Variants in FOXL2NB observed in about 807,000 individuals in gnomAD.
FOXL2NB encodes FOXL2 neighbor, also known as FOXL2 neighbor protein.
A neutral mutation model predicts 7.4 loss-of-function variants in FOXL2NB; 10 were observed. The observed-to-expected ratio is 1.34, with a 90% CI of 0.83 to 2.28. The LOEUF is 2.28. Ranked by LOEUF, FOXL2NB falls within the 30% of genes most tolerant of loss-of-function variation. The pLI, the probability that FOXL2NB is intolerant of heterozygous loss-of-function variation, is 0.00. For synonymous variants in FOXL2NB, 104 were observed against 105.3 expected, an observed-to-expected ratio of 0.99 and a Z score of 0.08; for missense variants, 228 against 233.9, an observed-to-expected ratio of 0.97 and a Z score of 0.17.
In FOXL2NB at chr3:138,950,340, G is replaced by T. The variant is rs548632968; in HGVS notation, c.296G>T (p.Arg99Leu). The T allele has an allele frequency of 6.2e-7, 1 of 1,610,332 alleles. No homozygotes were observed. Among genetic ancestry groups the T allele is most frequent in the Non-Finnish European group, 8.5e-7 (1 of 1,179,298 alleles). ...GGCGGCCCAGCTCTACTAGGGAAGC[G>T]TCGCGGCTGCTCTGAGGCAGGCAGC... is the stretch of plus-strand genomic sequence containing the variant. ...ASGGPALLGK[R>L]RGCSEAGSAS... is the part of the protein sequence containing the mutation. The change falls in exon 3 of 3, where the codon CGT becomes CTT. Residue 99 changes from arginine to leucine, a missense_variant. By Grantham distance (102) the Arg-to-Leu change is moderately radical. Coordinates refer to ENST00000383165, the MANE Select transcript of FOXL2NB (RefSeq NM_001040061.3).
Position 138,953,644 on chromosome 3 carries a change from T to G in FOXL2NB, c.*3072T>G, listed in dbSNP as rs1292231473. Among the ~76,000 whole-genome samples the G allele has an allele frequency of 6.6e-6, 1 of 152,238 alleles. No homozygotes were observed. Among genetic ancestry groups the G allele is most frequent in the Non-Finnish European group, 1.5e-5 (1 of 68,044 alleles). On this transcript the variant is annotated 3_prime_UTR_variant, in exon 3 of 3. Transcript: ENST00000383165. The stretch of plus-strand genomic sequence containing the variant: ...TGTAATGCAGTATGTAACCACCACC[T>G]GGATCAAGATATGGAGCATTTCTGG...
rs1352037256 is a variant in FOXL2NB, at chr3:138,950,806, CAT to C, written c.*235_*236del. ...TACACGTACTAATTCAGATTTTGCA[CAT>C]GTTGGTGGAAAACATGTCAAGCCAA... On this transcript the variant is annotated 3_prime_UTR_variant, in exon 3 of 3. Transcript: ENST00000383165. 4.1e-5 allele frequency: 23 copies of C among 560,440 alleles called. No individual in the cohort carries two copies. Among genetic ancestry groups the C allele is most frequent in the Admixed American group, 7.3e-5 (2 of 27,498 alleles). 34.7% of individuals were successfully genotyped at this position (560,440 alleles called of 1,614,324 possible). A position where few individuals can be genotyped will look rare whatever the true frequency, so the allele number is the denominator to read the frequency against.
Position 138,948,589 on chromosome 3 carries a change from G to C in FOXL2NB, c.101-931G>C, listed in dbSNP as rs570071993. Among the ~76,000 whole-genome samples, 14 of 152,336 alleles carry C rather than the reference G, an allele frequency of 9.2e-5. No individual in the cohort carries two copies. In the East Asian group the frequency reaches 2.1e-3, roughly 23 times the overall value. ...AGGTGGACTGAATGGATGTCATATA[G>C]CTGTGCATTAGTGATTGGCATGTCT... is the stretch of plus-strand genomic sequence containing the variant. On this transcript the variant is annotated intron_variant, in intron 1 of 2. Coordinates refer to ENST00000383165, the MANE Select transcript of FOXL2NB (RefSeq NM_001040061.3).
chr3:138,949,912 T>C lies in FOXL2NB; in HGVS notation c.220+273T>C, dbSNP rs1445741579. Reference sequence around the variant, plus strand: ...CAGGGCATACTGTGCCTAGGTTTTGTGGACGCCAGGGCCGGTTCCTTTTCT... The same window carrying C: ...CAGGGCATACTGTGCCTAGGTTTTGCGGACGCCAGGGCCGGTTCCTTTTCT... On this transcript the variant is annotated intron_variant, in intron 2 of 2. Transcript: ENST00000383165. This position sits in a 1 kb window ranked among gnomAD's most constrained non-coding sequence, Gnocchi z 4.5. 1.4e-6 allele frequency: 1 copy of C among 691,960 alleles called. No individual in the cohort carries two copies. The highest frequency in any genetic ancestry group is 2.6e-6 in the Non-Finnish European group (1 of 380,324). The allele number at this position is 691,960 out of a possible 1,614,324, so 42.9% of individuals were successfully genotyped here. A position where few individuals can be genotyped will look rare whatever the true frequency, so the allele number is the denominator to read the frequency against.
rs910540148 is a variant in FOXL2NB, at chr3:138,950,471, G to C, written c.427G>C (p.Ala143Pro). 2 of 1,614,030 alleles carry C rather than the reference G, an allele frequency of 1.2e-6. No homozygotes were observed. The highest frequency in any genetic ancestry group is 1.7e-6 in the Non-Finnish European group (2 of 1,180,050). The change falls in exon 3 of 3, where the codon GCT (alanine) becomes CCT (proline). Residue 143 changes from alanine (A) to proline (P), a missense_variant. Physicochemically the swap from Ala to Pro is conservative, Grantham distance 27 (BLOSUM62 -1). Transcript: ENST00000383165. ...AGPRNTRRLP[A>P]PERERIELAA... is the part of the protein sequence containing the mutation. ...ACCCCGAAACACCCGGCGGCTTCCC[G>C]CTCCTGAGCGGGAGAGAATAGAGCT... is the stretch of plus-strand genomic sequence containing the variant.
chr3:138,948,915 C>G (rs1936052213), intron 1 of FOXL2NB, among the ~76,000 whole-genome samples: 1 of 152,196 alleles, frequency 6.6e-6, no homozygotes, highest in Non-Finnish European at 1.5e-5. Context: ...CCCAAAGTAG[C>G]TTGGTTTTTT....
Position 138,947,893 on chromosome 3 carries a change from G to C in FOXL2NB, c.100+429G>C. ...TAACACAGGCGGGGCTGTTGCCCGG[G>C]ACTTTGCGGGACTGTGTATGTGTGT... is the stretch of plus-strand genomic sequence containing the variant. On this transcript the variant is annotated intron_variant, in intron 1 of 2. Transcript: ENST00000383165. This position sits in a 1 kb window ranked among gnomAD's most constrained non-coding sequence, Gnocchi z 5.2. 3.0e-6 allele frequency: 3 copies of C among 998,136 alleles called. No individual in the cohort carries two copies. The highest frequency in any genetic ancestry group is 3.6e-6 in the Non-Finnish European group (3 of 838,432). The allele number at this position is 998,136 out of a possible 1,614,324, so 61.8% of individuals were successfully genotyped here. A position where few individuals can be genotyped will look rare whatever the true frequency, so the allele number is the denominator to read the frequency against.
chr3:138,949,696 G>T lies in FOXL2NB; in HGVS notation c.220+57G>T, dbSNP rs761130747. On this transcript the variant is annotated intron_variant, in intron 2 of 2. Coordinates refer to ENST00000383165, the MANE Select transcript of FOXL2NB (RefSeq NM_001040061.3). This position sits in a 1 kb window ranked among gnomAD's most constrained non-coding sequence, Gnocchi z 4.5. ...ATGATTACTTTCAGGTCCCCTCCAG[G>T]CTTCTGCGGAAAAGCCAGGGGCTTC... is the stretch of plus-strand genomic sequence containing the variant. The T allele has an allele frequency of 1.2e-6, 2 of 1,612,024 alleles. No homozygotes were observed. The highest frequency in any genetic ancestry group is 1.7e-6 in the Non-Finnish European group (2 of 1,179,122).
chr3:138,947,929 C>G lies in FOXL2NB; in HGVS notation c.100+465C>G, dbSNP rs1409231278. On this transcript the variant is annotated intron_variant, in intron 1 of 2. Transcript: ENST00000383165. This position sits in a 1 kb window ranked among gnomAD's most constrained non-coding sequence, Gnocchi z 5.2. ...ACTGTGTATGTGTGTGCACAGGGGT[C>G]ACATATGGAAGTCATGGAGAGGAGC... 2.0e-6 allele frequency: 2 copies of G among 986,888 alleles called. No individual in the cohort carries two copies. The highest frequency in any genetic ancestry group is 2.3e-4 in the East Asian group (2 of 8,840). The allele number at this position is 986,888 out of a possible 1,614,324, so 61.1% of individuals were successfully genotyped here. A position where few individuals can be genotyped will look rare whatever the true frequency, so the allele number is the denominator to read the frequency against.
In FOXL2NB at chr3:138,952,450, G is replaced by GGT. The variant is rs112886930; in HGVS notation, c.*1899_*1900dup. The GGT allele has an allele frequency of 2.5e-3, 375 of 149,052 alleles. 4 individuals carry two copies. Among genetic ancestry groups the GGT allele is most frequent in the South Asian group, 8.2e-3 (39 of 4,730 alleles). The allele number at this position is 149,052 out of a possible 1,614,324, so 9.2% of individuals were successfully genotyped here. A position where few individuals can be genotyped will look rare whatever the true frequency, so the allele number is the denominator to read the frequency against. On this transcript the variant is annotated 3_prime_UTR_variant, in exon 3 of 3. Coordinates refer to ENST00000383165, the MANE Select transcript of FOXL2NB (RefSeq NM_001040061.3). ...GGAGATTTTCCTCATGCCAAGATAG[G>GGT]GTGTGTGTGTGTGTGTGTGTGTATG...
At chr3:138,948,006 AG>A (rs1234277605) in intron 1 of FOXL2NB, 1 of 985,072 alleles carries the variant, frequency 1.0e-6, no homozygotes, top group Non-Finnish European at 1.2e-6. Context: ...TCAGAAACAC[AG>A]GTATGCACAT....
Position 138,947,803 on chromosome 3 carries a change from G to A in FOXL2NB, c.100+339G>A, listed in dbSNP as rs1030797214. On this transcript the variant is annotated intron_variant, in intron 1 of 2. Coordinates refer to ENST00000383165, the MANE Select transcript of FOXL2NB (RefSeq NM_001040061.3). This position sits in a 1 kb window ranked among gnomAD's most constrained non-coding sequence, Gnocchi z 5.2. Reference sequence around the variant, plus strand: ...CAGGAATCCGTGTACTAATCCTACGGGGTTGGAGTGAAGGTTGGATGTGTG... The same window carrying A: ...CAGGAATCCGTGTACTAATCCTACGAGGTTGGAGTGAAGGTTGGATGTGTG... The A allele has an allele frequency of 2.3e-5, 25 of 1,071,902 alleles. No individual in the cohort carries two copies. Among genetic ancestry groups the A allele is most frequent in the Admixed American group, 5.3e-5 (1 of 18,968 alleles). The allele number at this position is 1,071,902 out of a possible 1,614,324, so 66.4% of individuals were successfully genotyped here.
chr3:138,947,812 T>C lies in FOXL2NB; in HGVS notation c.100+348T>C, dbSNP rs1249239002. 58 of 1,058,834 alleles carry C rather than the reference T, an allele frequency of 5.5e-5. No individual in the cohort carries two copies. The highest frequency in any genetic ancestry group is 5.9e-5 in the Non-Finnish European group (52 of 877,224). 65.6% of individuals were successfully genotyped at this position (1,058,834 alleles called of 1,614,324 possible). A position where few individuals can be genotyped will look rare whatever the true frequency, so the allele number is the denominator to read the frequency against. On this transcript the variant is annotated intron_variant, in intron 1 of 2. Transcript: ENST00000383165. The surrounding 1 kb of genome is among the most constrained non-coding windows in gnomAD (Gnocchi z 5.2). Reference sequence around the variant, plus strand: ...GTGTACTAATCCTACGGGGTTGGAGTGAAGGTTGGATGTGTGCTTTAACAG... The same window carrying C: ...GTGTACTAATCCTACGGGGTTGGAGCGAAGGTTGGATGTGTGCTTTAACAG...
In FOXL2NB at chr3:138,949,943, C is replaced by A. The variant is rs1936086709; in HGVS notation, c.220+304C>A. 2.9e-6 allele frequency: 2 copies of A among 692,706 alleles called. No homozygotes were observed. Among genetic ancestry groups the A allele is most frequent in the African/African-American group, 3.5e-5 (2 of 57,224 alleles). 42.9% of individuals were successfully genotyped at this position (692,706 alleles called of 1,614,324 possible). The stretch of plus-strand genomic sequence containing the variant: ...CCAGGGCCGGTTCCTTTTCTCCCCG[C>A]GGCATTGGGGCGACGCAGGGCCCCC... On this transcript the variant is annotated intron_variant, in intron 2 of 2. Coordinates refer to ENST00000383165, the MANE Select transcript of FOXL2NB (RefSeq NM_001040061.3). The surrounding 1 kb of genome is among the most constrained non-coding windows in gnomAD (Gnocchi z 4.5).
At position 138,950,263 on chromosome 3, in the gene FOXL2NB, A is replaced by C; in HGVS notation, c.221-2A>C. The C allele has an allele frequency of 6.2e-7, 1 of 1,603,212 alleles. No individual in the cohort carries two copies. The highest frequency in any genetic ancestry group is 1.8e-5 in the Admixed American group (1 of 56,762). On this transcript the variant is annotated splice_acceptor_variant, in intron 2 of 2. Transcript: ENST00000383165. LOFTEE classifies it high-confidence loss of function. The stretch of plus-strand genomic sequence containing the variant: ...CTCTGATACAGACGCTTTTCTCCCC[A>C]GGGCCGGGAATCCTGCAACAGCGGC...
At position 138,950,467 on chromosome 3, in the gene FOXL2NB, T is replaced by TC; in HGVS notation, c.426dup (p.Ala143ArgfsTer3). On this transcript the variant is annotated frameshift_variant, in exon 3 of 3. Coordinates refer to ENST00000383165, the MANE Select transcript of FOXL2NB (RefSeq NM_001040061.3). LOFTEE classifies it low-confidence loss of function (END_TRUNC). ...CGGGACCCCGAAACACCCGGCGGCT[T>TC]CCCGCTCCTGAGCGGGAGAGAATAG... 1 of 1,614,132 alleles carries TC rather than the reference T, an allele frequency of 6.2e-7. No homozygotes were observed. Among genetic ancestry groups the TC allele is most frequent in the Middle Eastern group, 1.7e-4 (1 of 6,060 alleles).
chr3:138,949,627 G>A lies in FOXL2NB; in HGVS notation c.208G>A (p.Ala70Thr), dbSNP rs1936075325. The A allele has an allele frequency of 1.2e-6, 2 of 1,611,958 alleles. No individual in the cohort carries two copies. The highest frequency in any genetic ancestry group is 1.7e-4 in the Middle Eastern group (1 of 6,058). The change falls in exon 2 of 3, where the codon GCT becomes ACT. Residue 70 changes from alanine (A) to threonine (T), a missense_variant. Transcript: ENST00000383165. The surrounding 1 kb of genome is among the most constrained non-coding windows in gnomAD (Gnocchi z 4.5). ...CLHMAVRHSK[A>T]QKTGPGILQQ... ...TCACATGGCTGTCCGGCATTCGAAGGCTCAGAAAACAGGCAAGAAAATGCG... is the reference window on the plus strand; with the variant it reads ...TCACATGGCTGTCCGGCATTCGAAGACTCAGAAAACAGGCAAGAAAATGCG...
chr3:138,949,849 G>A lies in FOXL2NB; in HGVS notation c.220+210G>A, dbSNP rs1936083005. On this transcript the variant is annotated intron_variant, in intron 2 of 2. Coordinates refer to ENST00000383165, the MANE Select transcript of FOXL2NB (RefSeq NM_001040061.3). The surrounding 1 kb of genome is among the most constrained non-coding windows in gnomAD (Gnocchi z 4.5). Reference sequence around the variant, plus strand: ...CTGATTTACTTCTCAACCTTCGGAGGTAGGCTGGTTGCTGGCGAGGTCGGG... The same window carrying A: ...CTGATTTACTTCTCAACCTTCGGAGATAGGCTGGTTGCTGGCGAGGTCGGG... 6.7e-6 allele frequency: 5 copies of A among 741,128 alleles called. No homozygotes were observed. Among genetic ancestry groups the A allele is most frequent in the Non-Finnish European group, 1.2e-5 (5 of 422,512 alleles). 45.9% of individuals were successfully genotyped at this position (741,128 alleles called of 1,614,324 possible). A position where few individuals can be genotyped will look rare whatever the true frequency, so the allele number is the denominator to read the frequency against.
rs1281260907 is a variant in FOXL2NB, at chr3:138,953,364, T to C, written c.*2792T>C. ...ATCTTCATAGCTTAGCTCCCACTTA[T>C]AAATGAAAACACAGGATATTTGGTT... On this transcript the variant is annotated 3_prime_UTR_variant, in exon 3 of 3. Transcript: ENST00000383165. 2 of 152,256 alleles carry C rather than the reference T, an allele frequency of 1.3e-5. No homozygotes were observed. The highest frequency in any genetic ancestry group is 6.5e-5 in the Admixed American group (1 of 15,288). 9.4% of individuals were successfully genotyped at this position (152,256 alleles called of 1,614,324 possible). A position where few individuals can be genotyped will look rare whatever the true frequency, so the allele number is the denominator to read the frequency against.
Sources: gnomAD v4.1 joint callset for allele counts (sites outside exome capture counted in the v4.1 genomes callset) on GRCh38, gnomAD v4.1.1 for gene constraint, Gnocchi (gnomAD v3.1) non-coding constraint, MANE v1.5 for transcripts, NCBI Gene and HGNC (gene_info 2026-07-23, HGNC 2026-07-21) for gene names.